Variants in MIB1 observed in about 807,000 individuals in gnomAD.
MIB1 encodes the protein MIB E3 ubiquitin protein ligase 1, also known as E3 ubiquitin-protein ligase MIB1.
MIB1 carries 278 observed loss-of-function variants against 124.5 expected under a neutral mutation model. The observed-to-expected ratio is 2.23, with a 90% CI of 2.02 to 2.47. The LOEUF is 2.47. Ranked by LOEUF, MIB1 falls within the 30% of genes most tolerant of loss-of-function variation. MIB1 has a pLI of 0.00. For missense variants in MIB1, 957 were observed against 1,254.4 expected (o/e 0.76, Z 3.58); for synonymous variants, 446 against 429.4 (o/e 1.04, Z -0.48).
In MIB1 at chr18:21,768,715, G is replaced by T. The variant is rs766964576; in HGVS notation, c.494G>T (p.Trp165Leu). ...GTGGTGCGAGGAGTGGACTGGCAGT[G>T]GGAAGATCAAGATGGAGGAAATGGA... Reference protein sequence around the residue: ...ARVVRGVDWQWEDQDGGNGRR... With the variant: ...ARVVRGVDWQLEDQDGGNGRR... The change falls in exon 3 of 21, where the codon TGG becomes TTG. Residue 165 changes from tryptophan (W) to leucine (L), a missense_variant. Coordinates refer to ENST00000261537, the MANE Select transcript of MIB1 (RefSeq NM_020774.4). 1 of 1,611,138 alleles carries T rather than the reference G, an allele frequency of 6.2e-7. No individual in the cohort carries two copies. The highest frequency in any genetic ancestry group is 2.2e-5 in the East Asian group (1 of 44,758).
chr18:21,749,124 CGT>C (rs988378250), intron 1 of MIB1, among the ~76,000 whole-genome samples: 74 of 151,972 alleles, frequency 4.9e-4, no homozygotes, highest in African/African-American at 1.7e-3. Context: ...TTCCACTTGA[CGT>C]GTGTTTTCTG....
chr18:21,816,125 T>C (rs2041828182), intron 11 of MIB1, among the ~76,000 whole-genome samples: 2 of 152,200 alleles, frequency 1.3e-5, no homozygotes, highest in South Asian at 4.1e-4. Context: ...AGAAGTGTAA[T>C]AGGCTATATT....
chr18:21,711,638 A>G (rs945088781), intron 1 of MIB1, among the ~76,000 whole-genome samples: 3 of 151,826 alleles, frequency 2.0e-5, no homozygotes, highest in African/African-American at 4.8e-5. Context: ...GATAAAGCCG[A>G]TGACTTTCCT....
intron 14 of MIB1, 44 bp downstream of exon 14, chr18:21,843,261 C>A: frequency 1.4e-6 from 2 of 1,379,560 alleles, no homozygotes; most frequent in Non-Finnish European, 2.0e-6. Context: ...ACATTTTAAC[C>A]ATACAGATTT....
At position 21,858,595 on chromosome 18, in the gene MIB1, C is replaced by A; in HGVS notation, c.2829C>A (p.Val943=). 6.2e-7 allele frequency: 1 copy of A among 1,603,604 alleles called. No homozygotes were observed. Among genetic ancestry groups the A allele is most frequent in the South Asian group, 1.1e-5 (1 of 90,686 alleles). ...AAAAGGACAAGGATAATACCAATGT[C>A]AATGCAGATGTGCAAAAGTTGCAGC... is the stretch of plus-strand genomic sequence containing the variant. ...VLQKDKDNTN[V]NADVQKLQQQ... The change falls in exon 20 of 21, where the codon GTC becomes GTA. Residue 943 remains valine (V), a synonymous_variant. Coordinates refer to ENST00000261537, the MANE Select transcript of MIB1 (RefSeq NM_020774.4).
At chr18:21,740,047 A>G (rs1230907742), upstream of MIB1, among the ~76,000 whole-genome samples, 1 of 152,108 alleles carries the variant, frequency 6.6e-6, no homozygotes, top group South Asian at 2.1e-4. Flanking sequence ...TTCTGTTAGC[A>G]TTTCCCTCCT....
chr18:21,803,539 GTTTTC>G (rs2146459096), intron 9 of MIB1, among the ~76,000 whole-genome samples: 1 of 152,202 alleles, frequency 6.6e-6, no homozygotes, highest in South Asian at 2.1e-4. Context: ...TTTTCTAAAA[GTTTTC>G]TTTTCACTTC....
chr18:21,784,804 C>G (rs909450772), intron 6 of MIB1, among the ~76,000 whole-genome samples: 1 of 152,002 alleles, frequency 6.6e-6, no homozygotes, highest in Non-Finnish European at 1.5e-5. Flanking sequence ...CTTAGCAGAC[C>G]GGGAAAGGGA....
At chr18:21,736,481 G>T (rs919263686), upstream of MIB1, among the ~76,000 whole-genome samples, 1 of 152,064 alleles carries the variant, frequency 6.6e-6, no homozygotes, top group Admixed American at 6.6e-5. Context: ...ACAACTCCTC[G>T]CCAGCAAGGG....
At chr18:21,856,042 A>G (rs2042223122) in intron 18 of MIB1, among the ~76,000 whole-genome samples, 1 of 151,514 alleles carries the variant, frequency 6.6e-6, no homozygotes, top group African/African-American at 2.4e-5. Context: ...CATCCTGGCT[A>G]ACAAGGTGAA....
intron 1 of MIB1, among the ~76,000 whole-genome samples, chr18:21,727,670 G>C (rs1266772322): frequency 6.6e-6 from 1 of 152,158 alleles, no homozygotes; most frequent in Non-Finnish European, 1.5e-5. Flanking sequence ...AGGCTGAGGT[G>C]AGGGGATAGC....
chr18:21,771,867 G>A (rs1174553952), intron 3 of MIB1, among the ~76,000 whole-genome samples: 1 of 151,994 alleles, frequency 6.6e-6, no homozygotes, highest in Non-Finnish European at 1.5e-5. Flanking sequence ...GGGCATGGTG[G>A]TGGGCACCTG....
At chr18:21,750,614 AC>A (rs1364620050) in intron 1 of MIB1, among the ~76,000 whole-genome samples, 4 of 152,084 alleles carry the variant, frequency 2.6e-5, no homozygotes, top group African/African-American at 9.7e-5. Context: ...GGCGTAAGCC[AC>A]CACGCTCGGC....
chr18:21,766,035 C>A, intron 2 of MIB1, 92 bp downstream of exon 2: 4 of 1,228,376 alleles, frequency 3.3e-6, no homozygotes, highest in Non-Finnish European at 4.7e-6. Context: ...TAGCAAATAG[C>A]TTCTGACAGT....
At chr18:21,838,085 A>G (rs778516094) in intron 12 of MIB1, among the ~76,000 whole-genome samples, 1 of 152,102 alleles carries the variant, frequency 6.6e-6, no homozygotes, top group Non-Finnish European at 1.5e-5. Context: ...CCCAGATAGT[A>G]ATAGTGTGTC....
intron 6 of MIB1, among the ~76,000 whole-genome samples, chr18:21,789,708 T>C (rs936177162): frequency 6.6e-6 from 1 of 152,042 alleles, no homozygotes; most frequent in Non-Finnish European, 1.5e-5. Flanking sequence ...TCCCAGCTAC[T>C]TGGGAGACTG....
intron 12 of MIB1, among the ~76,000 whole-genome samples, chr18:21,831,873 T>C (rs926952001): frequency 3.9e-5 from 6 of 152,212 alleles, no homozygotes; most frequent in African/African-American, 1.4e-4. Flanking sequence ...GAAGTCCCTC[T>C]GCTGCCAAAA....
At chr18:21,715,567 C>A (rs1598578377) in intron 1 of MIB1, among the ~76,000 whole-genome samples, 1 of 151,380 alleles carries the variant, frequency 6.6e-6, no homozygotes, top group Non-Finnish European at 1.5e-5. Context: ...TTAGGCTAAT[C>A]AAGGAGGCAC....
rs781198853 is a variant in MIB1, at chr18:21,773,671, A to G, written c.579A>G (p.Ala193=). 2.5e-6 allele frequency: 4 copies of G among 1,609,704 alleles called. No individual in the cohort carries two copies. In the African/African-American group the frequency reaches 4.0e-5, roughly 16 times the overall value. Residue 193 remains alanine (A), a synonymous_variant, in exon 4 of 21, where the codon GCA becomes GCG. Coordinates refer to ENST00000261537, the MANE Select transcript of MIB1 (RefSeq NM_020774.4). ...GTGCATCAAGCCCACATAGCGCAGC[A>G]TATGTCCTCTGGGATAATGGTGCTA... ...DWSASSPHSA[A]YVLWDNGAKN... is the part of the protein sequence containing the mutation.
Sources: allele counts gnomAD v4.1 joint callset (sites outside exome capture counted in the v4.1 genomes callset), GRCh38; gene constraint gnomAD v4.1.1; transcripts MANE v1.5; gene names NCBI Gene and HGNC (gene_info 2026-07-23, HGNC 2026-07-21).